Variants in IREB2 observed in about 807,000 individuals in gnomAD.
The protein encoded by IREB2 is iron responsive element binding protein 2.
A neutral mutation model predicts 118.8 loss-of-function variants in IREB2; 39 were observed. The observed-to-expected ratio is 0.33, with a 90% CI of 0.25 to 0.43. IREB2 has a LOEUF of 0.43. Among genes scored for constraint, IREB2 ranks in the 20% least tolerant of loss-of-function variants. The pLI, the probability that IREB2 is intolerant of heterozygous loss-of-function variation, is 1.00. For synonymous variants in IREB2, 372 were observed against 392.2 expected, an observed-to-expected ratio of 0.95 and a Z score of 0.61; for missense variants, 900 against 1,147.3, an observed-to-expected ratio of 0.78 and a Z score of 3.11.
At position 78,478,401 on chromosome 15, in the gene IREB2, TA is replaced by T. The variant is rs1172392045; in HGVS notation, c.1296+5del. 1.3e-6 allele frequency: 2 copies of T among 1,515,152 alleles called. No homozygotes were observed. Among genetic ancestry groups the T allele is most frequent in the Non-Finnish European group, 1.8e-6 (2 of 1,090,270 alleles). 93.9% of individuals were successfully genotyped at this position (1,515,152 alleles called of 1,614,324 possible). A position where few individuals can be genotyped will look rare whatever the true frequency, so the allele number is the denominator to read the frequency against. ...AGGAGAACCTGAATACTCCCAGGTA[TA>T]TGCAGAATAACCCACCTCGTAGCAA... On this transcript the variant is annotated splice_donor_5th_base_variant and intron_variant, in intron 10 of 21. Coordinates refer to ENST00000258886, the MANE Select transcript of IREB2 (RefSeq NM_004136.4).
At chr15:78,454,241 T>G (rs995741084) in intron 2 of IREB2, among the ~76,000 whole-genome samples, 3 of 152,214 alleles carry the variant, frequency 2.0e-5, no homozygotes, top group Admixed American at 6.5e-5. Context: ...TCAAATGATC[T>G]TAGCAGCATT....
At chr15:78,492,760 T>C (rs1430722500) in intron 18 of IREB2, among the ~76,000 whole-genome samples, 1 of 152,144 alleles carries the variant, frequency 6.6e-6, no homozygotes, top group Non-Finnish European at 1.5e-5. Flanking sequence ...AGATCTCCCT[T>C]TGTTGCACAG....
At chr15:78,445,484 A>G (rs749227790) in intron 2 of IREB2, among the ~76,000 whole-genome samples, 1 of 152,218 alleles carries the variant, frequency 6.6e-6, no homozygotes, top group Non-Finnish European at 1.5e-5. Context: ...AAACTCACTC[A>G]AGTAAAAAAT....
At position 78,461,442 on chromosome 15, in the gene IREB2, T is replaced by C. The variant is rs539917227; in HGVS notation, c.107-1480T>C. ...CATTACTGCATCTAGCTCTTAGAAG[T>C]AGGTTAACAAATACCACTCCCAGAA... On this transcript the variant is annotated intron_variant, in intron 2 of 21. Coordinates refer to ENST00000258886, the MANE Select transcript of IREB2 (RefSeq NM_004136.4). Among the ~76,000 whole-genome samples the C allele has an allele frequency of 7.9e-5, 12 of 152,264 alleles. No homozygotes were observed. The South Asian group carries it at 2.1e-3, about 26-fold the overall frequency.
intron 16 of IREB2, 123 bp downstream of exon 16, chr15:78,488,894 A>G (rs1174950443): frequency 7.8e-5 from 47 of 600,870 alleles, no homozygotes; most frequent in Non-Finnish European, 1.2e-4. Context: ...TTAATGTGTA[A>G]TAGTAAGTTT....
Position 78,466,324 on chromosome 15 carries a change from A to G in IREB2, c.464A>G (p.Lys155Arg), listed in dbSNP as rs201211590. The G allele has an allele frequency of 3.9e-5, 63 of 1,613,870 alleles. No individual in the cohort carries two copies. Among genetic ancestry groups the G allele is most frequent in the Non-Finnish European group, 5.1e-5 (60 of 1,179,890 alleles). The change falls in exon 5 of 22, where the codon AAG becomes AGG. Residue 155 changes from lysine to arginine, a missense_variant. Physicochemically the swap from Lys to Arg is conservative, Grantham distance 26. Transcript: ENST00000258886. ...PGGGDLQKAG[K>R]LSPLKVQPKK... ...GGTGGTGACCTGCAGAAAGCAGGAAAGCTCTCTCCACTTAAAGTGCAGCCT... is the reference window on the plus strand; with the variant it reads ...GGTGGTGACCTGCAGAAAGCAGGAAGGCTCTCTCCACTTAAAGTGCAGCCT...
chr15:78,462,892 C>T (rs966784192), intron 2 of IREB2, 30 bp from the exon 3 acceptor site: 1 of 1,527,508 alleles, frequency 6.5e-7, no homozygotes, highest in Non-Finnish European at 8.8e-7. Flanking sequence ...TGACTGTTTG[C>T]TTATTAATAG....
chr15:78,445,151 T>A (rs1269413182), intron 2 of IREB2, among the ~76,000 whole-genome samples: 2 of 151,742 alleles, frequency 1.3e-5, no homozygotes, highest in East Asian at 1.9e-4. Flanking sequence ...TTTTTTTTTT[T>A]TTTTGAGACA....
At chr15:78,474,345 T>A (rs79215957) in intron 8 of IREB2, 1 of 152,246 alleles carries the variant, frequency 6.6e-6, no homozygotes, top group African/African-American at 2.4e-5. Context: ...GTATTGATCC[T>A]TCTTCCCTAA....
chr15:78,443,661 T>G (rs536211118), intron 2 of IREB2, among the ~76,000 whole-genome samples: 1 of 152,090 alleles, frequency 6.6e-6, no homozygotes, highest in African/African-American at 2.4e-5. Flanking sequence ...TGTTTTGTTT[T>G]TTTGAGACAG....
chr15:78,437,647 C>T (rs2050772373), upstream of IREB2: 1 of 152,584 alleles, frequency 6.6e-6, no homozygotes, highest in Non-Finnish European at 1.5e-5. Flanking sequence ...GGAGCTGAGG[C>T]GGAAGGATGG....
chr15:78,475,591 G>A (rs1479103722), intron 8 of IREB2: 1 of 152,190 alleles, frequency 6.6e-6, no homozygotes, highest in Non-Finnish European at 1.5e-5. Flanking sequence ...TGTGTGCAGT[G>A]GCTCACACCT....
At chr15:78,495,926 C>A (rs2051830712) in intron 20 of IREB2, among the ~76,000 whole-genome samples, 1 of 152,112 alleles carries the variant, frequency 6.6e-6, no homozygotes, top group Non-Finnish European at 1.5e-5. Context: ...AGTTGAAAAA[C>A]ACAAGTCTAG....
At chr15:78,481,616 C>G (rs1271450137) in intron 10 of IREB2, 1 of 151,680 alleles carries the variant, frequency 6.6e-6, no homozygotes, top group Admixed American at 6.6e-5. Flanking sequence ...CCGCCTGCCT[C>G]GGCCTCCCAA....
At chr15:78,448,425 G>A (rs1431267527) in intron 2 of IREB2, among the ~76,000 whole-genome samples, 1 of 152,120 alleles carries the variant, frequency 6.6e-6, no homozygotes, top group Non-Finnish European at 1.5e-5. Flanking sequence ...GATTACAGCC[G>A]TGAGCCATCA....
At chr15:78,483,177 G>C in intron 10 of IREB2, 141 bp from the exon 11 acceptor site, 1 of 508,846 alleles carries the variant, frequency 2.0e-6, no homozygotes, top group Non-Finnish European at 3.5e-6. Flanking sequence ...TTGGGGTTGA[G>C]GGTGTATTAT....
chr15:78,465,188 T>G (rs1392818134), intron 3 of IREB2, 63 bp from the exon 4 acceptor site: 2 of 1,291,674 alleles, frequency 1.5e-6, no homozygotes, highest in South Asian at 2.9e-5. Context: ...AAAAAGTTTA[T>G]CATTTATTAA....
intron 21 of IREB2, 34 bp downstream of exon 21, chr15:78,497,345 A>T (rs1429552505): frequency 7.2e-7 from 1 of 1,389,338 alleles, no homozygotes; most frequent in Non-Finnish European, 1.0e-6. Context: ...ATGATTATGC[A>T]CTCAAATGTT....
At chr15:78,494,332 A>G in intron 20 of IREB2, 68 bp downstream of exon 20, 1 of 1,471,332 alleles carries the variant, frequency 6.8e-7, no homozygotes, top group Non-Finnish European at 9.3e-7. Flanking sequence ...TGTCAGTAAC[A>G]TCCTGTCAAA....
Sources: gnomAD v4.1 joint callset for allele counts (sites outside exome capture counted in the v4.1 genomes callset) on GRCh38, gnomAD v4.1.1 for gene constraint, MANE v1.5 for transcripts, NCBI Gene and HGNC (gene_info 2026-07-23, HGNC 2026-07-21) for gene names.